The following FAM228B variants were observed in gnomAD, a reference collection of about 807,000 sequenced individuals.
FAM228B encodes protein FAM228B.
FAM228B carries 38 observed loss-of-function variants against 42.6 expected under a neutral mutation model. That is an observed-to-expected ratio of 0.89 (90% CI 0.69 to 1.17). The LOEUF is 1.17. Among genes scored for constraint, FAM228B ranks in the 50% most tolerant of loss-of-function variants. The pLI, the probability that FAM228B is intolerant of heterozygous loss-of-function variation, is 0.00. For synonymous variants in FAM228B, 109 were observed against 122.3 expected (o/e 0.89, Z 0.72); for missense variants, 344 against 367.3 (o/e 0.94, Z 0.52).
At chr2:24,120,609 G>A (rs1666080664), upstream of FAM228B, among the ~76,000 whole-genome samples, 1 of 151,992 alleles carries the variant, frequency 6.6e-6, no homozygotes, top group Non-Finnish European at 1.5e-5. Flanking sequence ...AAGCCGGAGT[G>A]CAATGGCACG....
At chr2:24,134,964 C>T (rs1558385480) in intron 2 of FAM228B, among the ~76,000 whole-genome samples, 155 bp from the exon 3 acceptor site, 1 of 151,590 alleles carries the variant, frequency 6.6e-6, no homozygotes, top group Non-Finnish European at 1.5e-5. Flanking sequence ...AAGAAACAAA[C>T]AAAAAAAAGC....
chr2:24,129,024 C>G (rs1333284382), intron 2 of FAM228B, among the ~76,000 whole-genome samples: 2 of 152,030 alleles, frequency 1.3e-5, no homozygotes, highest in South Asian at 2.1e-4. Flanking sequence ...GTTTCTTTGC[C>G]CATTGTTCCT....
At chr2:24,149,720 A>C (rs1199333652) in intron 7 of FAM228B, among the ~76,000 whole-genome samples, 5 of 152,228 alleles carry the variant, frequency 3.3e-5, no homozygotes, top group Non-Finnish European at 7.3e-5. Context: ...GGTGTAAGCC[A>C]CTGCGCCCGG....
intron 5 of FAM228B, among the ~76,000 whole-genome samples, chr2:24,143,429 C>T (rs1240678881): frequency 2.6e-5 from 4 of 152,150 alleles, no homozygotes; most frequent in African/African-American, 4.8e-5. Context: ...CTCCTGACCT[C>T]GTGATCCGCC....
intron 5 of FAM228B, among the ~76,000 whole-genome samples, chr2:24,141,990 G>GT (rs1666762534): frequency 6.6e-6 from 1 of 152,100 alleles, no homozygotes; most frequent in African/African-American, 2.4e-5. Flanking sequence ...CCCAGCATTG[G>GT]TAATCCATGT....
intron 3 of FAM228B, among the ~76,000 whole-genome samples, chr2:24,113,984 A>C (rs987002018): frequency 1.3e-5 from 2 of 152,174 alleles, no homozygotes; most frequent in African/African-American, 4.8e-5. Context: ...AACAAAAACA[A>C]AAAAACAAAT....
At chr2:24,164,526 C>G (rs1239406148) in intron 9 of FAM228B, among the ~76,000 whole-genome samples, 191 bp downstream of exon 9, 1 of 140,674 alleles carries the variant, frequency 7.1e-6, no homozygotes, top group Non-Finnish European at 1.6e-5. Context: ...CCCTGGCCCC[C>G]TGGTGGAGTC....
chr2:24,155,974 G>C (rs1667133568), intron 7 of FAM228B, among the ~76,000 whole-genome samples: 1 of 152,120 alleles, frequency 6.6e-6, no homozygotes, highest in Admixed American at 6.5e-5. Context: ...TGAACACTTG[G>C]GGTCCACATC....
At chr2:24,142,056 G>A (rs542142168) in intron 5 of FAM228B, among the ~76,000 whole-genome samples, 161 of 152,256 alleles carry the variant, frequency 1.1e-3, no homozygotes, top group African/African-American at 3.7e-3. Flanking sequence ...AGAGCGTCTC[G>A]GGTAGGCTCT....
chr2:24,101,663 G>T (rs1430775162), intron 3 of FAM228B, among the ~76,000 whole-genome samples: 1 of 151,882 alleles, frequency 6.6e-6, no homozygotes, highest in East Asian at 1.9e-4. Context: ...TCTCTTCCTA[G>T]TTTTTATTAT....
intron 3 of FAM228B, among the ~76,000 whole-genome samples, chr2:24,105,031 G>C (rs1315211226): frequency 6.6e-6 from 1 of 152,246 alleles, no homozygotes; most frequent in Admixed American, 6.5e-5. Flanking sequence ...GTCAAGGGAC[G>C]CAGCCTCCTG....
intron 3 of FAM228B, among the ~76,000 whole-genome samples, chr2:24,108,218 C>G (rs964745092): frequency 1.3e-5 from 2 of 152,066 alleles, no homozygotes; most frequent in African/African-American, 4.8e-5. Flanking sequence ...TAAGACTGAA[C>G]CAGGAATAAA....
intron 2 of FAM228B, among the ~76,000 whole-genome samples, chr2:24,087,728 A>G (rs1188975736): frequency 2.6e-5 from 4 of 151,416 alleles, no homozygotes; most frequent in Non-Finnish European, 5.9e-5. Context: ...CTCCTGCCTC[A>G]GCCTCCCGAG....
chr2:24,125,584 T>G (rs1290700075), intron 2 of FAM228B, among the ~76,000 whole-genome samples: 1 of 152,126 alleles, frequency 6.6e-6, no homozygotes, highest in East Asian at 1.9e-4. Flanking sequence ...TTTTCTTTTC[T>G]TTCTTTCGCT....
chr2:24,126,759 T>C (rs1666318722), intron 2 of FAM228B, among the ~76,000 whole-genome samples: 1 of 151,886 alleles, frequency 6.6e-6, no homozygotes, highest in Non-Finnish European at 1.5e-5. Context: ...TACAGGTGCC[T>C]GCCACCACAC....
intron 2 of FAM228B, among the ~76,000 whole-genome samples, chr2:24,081,541 A>T (rs1282185209): frequency 6.6e-6 from 1 of 152,110 alleles, no homozygotes; most frequent in African/African-American, 2.4e-5. Context: ...TCCTCCTCAA[A>T]ATGTAAAGTG....
intron 2 of FAM228B, among the ~76,000 whole-genome samples, chr2:24,128,277 C>T (rs957987479): frequency 2.6e-5 from 4 of 151,172 alleles, no homozygotes; most frequent in Non-Finnish European, 5.9e-5. Flanking sequence ...GTTGTTGAGA[C>T]GGGATCTCTC....
At chr2:24,161,348 G>C (rs915297596) in intron 7 of FAM228B, among the ~76,000 whole-genome samples, 158 bp from the exon 8 acceptor site, 4 of 152,122 alleles carry the variant, frequency 2.6e-5, no homozygotes, top group Non-Finnish European at 5.9e-5. Flanking sequence ...TTCGGAGGGT[G>C]GCTGAAGTGG....
chr2:24,138,570 G>A (rs1432400417), intron 4 of FAM228B, among the ~76,000 whole-genome samples: 9 of 151,792 alleles, frequency 5.9e-5, no homozygotes, highest in Admixed American at 5.2e-4. Flanking sequence ...CCCTATTTCA[G>A]GTAATCTGCC....
Sources: allele counts gnomAD v4.1 joint callset (sites outside exome capture counted in the v4.1 genomes callset), GRCh38; gene constraint gnomAD v4.1.1; transcripts MANE v1.5; gene names NCBI Gene and HGNC (gene_info 2026-07-23, HGNC 2026-07-21).